GRID1: variants seen among roughly 807,000 people sequenced by gnomAD.
GRID1 encodes glutamate receptor ionotropic, delta-1.
A neutral mutation model predicts 98.0 loss-of-function variants in GRID1; 28 were observed. That is an observed-to-expected ratio of 0.29 (90% CI 0.21 to 0.39). The LOEUF (loss-of-function observed/expected upper bound fraction) is 0.39. Ranked by LOEUF, GRID1 falls within the 10% of genes least tolerant of loss-of-function variation. The probability of loss-of-function intolerance (pLI) is 1.00; values close to 1 mark genes in which losing one functional copy is unlikely to be tolerated. For missense variants in GRID1, 1,111 were observed against 1,340.5 expected (o/e 0.83, Z 2.67); for synonymous variants, 553 against 538.5 (o/e 1.03, Z -0.37).
intron 4 of GRID1, among the ~76,000 whole-genome samples, chr10:85,928,167 C>T (rs1448384318): frequency 1.5e-5 from 2 of 136,634 alleles, no homozygotes; most frequent in South Asian, 2.6e-4. Flanking sequence ...ACAATCTTAA[C>T]AGTTTGGGAG....
intron 2 of GRID1, among the ~76,000 whole-genome samples, chr10:86,246,726 G>A (rs1846733759): frequency 6.6e-6 from 1 of 152,100 alleles, no homozygotes; most frequent in Non-Finnish European, 1.5e-5. Context: ...CCACCCACAG[G>A]GAATGGCACA....
chr10:85,896,784 C>T (rs187775132), intron 5 of GRID1, among the ~76,000 whole-genome samples: 38 of 152,226 alleles, frequency 2.5e-4, no homozygotes, highest in East Asian at 1.2e-3. Context: ...ATGATAAAAG[C>T]AGTTCAGACT....
At chr10:86,131,820 C>A (rs1844842699) in intron 4 of GRID1, among the ~76,000 whole-genome samples, 1 of 152,148 alleles carries the variant, frequency 6.6e-6, no homozygotes, top group Admixed American at 6.5e-5. Flanking sequence ...GCCCAGTGGG[C>A]AATCGAAGTT....
chr10:85,742,004 T>C (rs2132673981), intron 8 of GRID1, among the ~76,000 whole-genome samples: 1 of 152,304 alleles, frequency 6.6e-6, no homozygotes, highest in Middle Eastern at 3.4e-3. Context: ...ATAAAGGCCT[T>C]CTCAGGTTCA....
chr10:86,021,635 T>C (rs1317322949), intron 4 of GRID1, among the ~76,000 whole-genome samples: 1 of 152,084 alleles, frequency 6.6e-6, no homozygotes, highest in African/African-American at 2.4e-5. Flanking sequence ...ATTATTACCA[T>C]CCCATGCCTC....
chr10:86,193,466 G>C (rs1306670838), intron 3 of GRID1, among the ~76,000 whole-genome samples: 1 of 152,002 alleles, frequency 6.6e-6, no homozygotes, highest in Admixed American at 6.6e-5. Context: ...ACCATGCCAG[G>C]GTCTCTAGGG....
At chr10:86,315,575 C>T (rs1210621174) in intron 2 of GRID1, among the ~76,000 whole-genome samples, 5 of 152,308 alleles carry the variant, frequency 3.3e-5, no homozygotes, top group Admixed American at 3.3e-4. Context: ...TGGTCACCCA[C>T]CTGATCTGCT....
chr10:85,647,475 C>T lies in GRID1; in HGVS notation c.1998-78G>A, dbSNP rs914572329. 9 of 1,112,530 alleles carry T rather than the reference C, an allele frequency of 8.1e-6. No homozygotes were observed. The African/African-American group carries it at 1.2e-4, about 15-fold the overall frequency. The allele number at this position is 1,112,530 out of a possible 1,614,324, so 68.9% of individuals were successfully genotyped here. On this transcript the variant is annotated intron_variant, in intron 12 of 15. Coordinates refer to ENST00000327946, the MANE Select transcript of GRID1 (RefSeq NM_017551.3). The stretch of plus-strand genomic sequence containing the variant: ...GCAAGGATACAAATGGGCTGCAAGG[C>T]CCTTCTGAACTCCAAGCCCGGCATG...
chr10:86,090,360 C>T lies in GRID1; in HGVS notation c.726+48459G>A, dbSNP rs1043508844. 2.6e-5 allele frequency among the ~76,000 whole-genome samples: 4 copies of T among 151,854 alleles called. No individual in the cohort carries two copies. In the East Asian group the frequency reaches 5.8e-4, roughly 22 times the overall value. ...CCTGGGAGGCAGAGGTTGCCGTGAG[C>T]TGAGATCACACCACTGCACTCCAAC... On this transcript the variant is annotated intron_variant, in intron 4 of 15. Coordinates refer to ENST00000327946, the MANE Select transcript of GRID1 (RefSeq NM_017551.3).
chr10:85,933,257 G>A (rs1176841557), intron 4 of GRID1, among the ~76,000 whole-genome samples: 1 of 106,226 alleles, frequency 9.4e-6, no homozygotes, highest in Non-Finnish European at 1.8e-5. Context: ...CCAGCCTCCA[G>A]AAGTATAAGA....
At chr10:85,789,792 C>T (rs776214605) in intron 8 of GRID1, among the ~76,000 whole-genome samples, 30 of 152,154 alleles carry the variant, frequency 2.0e-4, no homozygotes, top group Non-Finnish European at 3.8e-4. Context: ...GGGGGTGGGT[C>T]CTGAACATCC....
intron 4 of GRID1, among the ~76,000 whole-genome samples, chr10:86,107,776 G>A (rs907771441): frequency 3.9e-5 from 6 of 152,164 alleles, no homozygotes; most frequent in African/African-American, 7.2e-5. Flanking sequence ...GGTACCGGGA[G>A]GCCAGCCAGC....
chr10:85,709,049 G>A, intron 12 of GRID1: 1 of 324,700 alleles, frequency 3.1e-6, no homozygotes, highest in Non-Finnish European at 6.2e-6. Flanking sequence ...CTACTTGGGT[G>A]CTATGATTCA....
At chr10:85,995,040 T>A (rs553783521) in intron 4 of GRID1, among the ~76,000 whole-genome samples, 1 of 152,370 alleles carries the variant, frequency 6.6e-6, no homozygotes, top group Admixed American at 6.5e-5. Context: ...AGTTTTATGT[T>A]CTTTCCATTT....
chr10:86,091,952 G>C, intron 4 of GRID1, among the ~76,000 whole-genome samples: 1 of 152,168 alleles, frequency 6.6e-6, no homozygotes, highest in Admixed American at 6.5e-5. Flanking sequence ...ACTACATCAA[G>C]GGAACACCCC....
intron 5 of GRID1, among the ~76,000 whole-genome samples, chr10:85,881,888 T>C (rs535336903): frequency 2.0e-5 from 3 of 152,218 alleles, no homozygotes; most frequent in African/African-American, 7.2e-5. Flanking sequence ...GACAAAGGGC[T>C]ACTATCCAGA....
chr10:85,602,268 C>T lies in GRID1; in HGVS notation c.*5G>A, dbSNP rs758918480. 4 of 1,493,232 alleles carry T rather than the reference C, an allele frequency of 2.7e-6. No individual in the cohort carries two copies. The highest frequency in any genetic ancestry group is 1.4e-5 in the South Asian group (1 of 72,418). The allele number at this position is 1,493,232 out of a possible 1,614,324, so 92.5% of individuals were successfully genotyped here. A position where few individuals can be genotyped will look rare whatever the true frequency, so the allele number is the denominator to read the frequency against. On this transcript the variant is annotated 3_prime_UTR_variant, in exon 16 of 16. Transcript: ENST00000327946. ...GGAGGGTGGGCAGGAGGGCAGGCGG[C>T]GCAGTCAGATGGAGGTCCCGTGGGA...
chr10:85,632,939 T>C (rs1842992496), intron 13 of GRID1, among the ~76,000 whole-genome samples: 1 of 152,178 alleles, frequency 6.6e-6, no homozygotes, highest in Non-Finnish European at 1.5e-5. Context: ...TGTGTTCTCA[T>C]TGTTCAGCTC....
intron 5 of GRID1, among the ~76,000 whole-genome samples, chr10:85,885,009 A>T (rs566765226): frequency 6.6e-6 from 1 of 152,360 alleles, no homozygotes; most frequent in Admixed American, 6.5e-5. Context: ...ATACTTAATA[A>T]AAGATTTCTG....
Sources: gnomAD v4.1 joint callset for allele counts (sites outside exome capture counted in the v4.1 genomes callset) on GRCh38, gnomAD v4.1.1 for gene constraint, MANE v1.5 for transcripts, NCBI Gene and HGNC (gene_info 2026-07-23, HGNC 2026-07-21) for gene names.